Variants in RNF180 observed in about 807,000 individuals in gnomAD.
RNF180 encodes the protein E3 ubiquitin-protein ligase RNF180.
Under a neutral mutation model 59.2 loss-of-function variants are expected in RNF180, and 38 were observed. The ratio of observed to expected loss-of-function variants is 0.64; its 90% CI spans 0.50 to 0.84. The LOEUF is 0.84. Among genes scored for constraint, RNF180 ranks in the 40% least tolerant of loss-of-function variants. RNF180 has a pLI of 0.00. For synonymous variants in RNF180, 262 were observed against 240.3 expected (o/e 1.09, Z -0.84); for missense variants, 705 against 700.9 (o/e 1.01, Z -0.07).
Position 64,307,613 on chromosome 5 carries a change from T to C in RNF180, c.1228-17573T>C, listed in dbSNP as rs1235592319. ...TCCTGATAAACTCATAACTTAAAAATATCATAAGTCAAAAATGTATTTAAT... is the reference window on the plus strand; with the variant it reads ...TCCTGATAAACTCATAACTTAAAAACATCATAAGTCAAAAATGTATTTAAT... On this transcript the variant is annotated intron_variant, in intron 5 of 7. Coordinates refer to ENST00000389100, the MANE Select transcript of RNF180 (RefSeq NM_001113561.2). Among the ~76,000 whole-genome samples the C allele has an allele frequency of 9.2e-5, 14 of 151,668 alleles. No individual in the cohort carries two copies. In the Admixed American group the frequency reaches 9.2e-4, roughly 10 times the overall value.
chr5:64,349,643 T>G (rs1192764554), intron 7 of RNF180, among the ~76,000 whole-genome samples: 1 of 152,024 alleles, frequency 6.6e-6, no homozygotes, highest in South Asian at 2.1e-4. Context: ...TGTGTCCAAG[T>G]GTTCTCATTG....
intron 7 of RNF180, among the ~76,000 whole-genome samples, chr5:64,367,266 A>G (rs140744633): frequency 0.013 from 2,042 of 151,716 alleles, 33 homozygotes; most frequent in African/African-American, 0.033. Flanking sequence ...AACACATGAA[A>G]GTAAAACCCA....
At chr5:64,179,029 G>C (rs1037426839) in intron 1 of RNF180, among the ~76,000 whole-genome samples, 1 of 152,094 alleles carries the variant, frequency 6.6e-6, no homozygotes, top group African/African-American at 2.4e-5. Flanking sequence ...CCCAGGTGTT[G>C]TTGCTGCTCC....
intron 7 of RNF180, among the ~76,000 whole-genome samples, chr5:64,338,022 G>T (rs991323717): frequency 6.6e-6 from 1 of 152,148 alleles, no homozygotes; most frequent in Non-Finnish European, 1.5e-5. Flanking sequence ...TATATACCCA[G>T]TAATGGGATG....
chr5:64,298,330 G>C (rs2112446327), intron 5 of RNF180, among the ~76,000 whole-genome samples: 1 of 152,010 alleles, frequency 6.6e-6, no homozygotes, highest in South Asian at 2.1e-4. Context: ...CTATGTCCAG[G>C]TTGGCATTGC....
intron 1 of RNF180, among the ~76,000 whole-genome samples, chr5:64,181,300 C>T (rs1750570348): frequency 6.6e-6 from 1 of 152,218 alleles, no homozygotes; most frequent in African/African-American, 2.4e-5. Flanking sequence ...ATCCTACAAT[C>T]CAATCAAGTT....
At chr5:64,257,816 C>T (rs956835309) in intron 5 of RNF180, among the ~76,000 whole-genome samples, 1 of 152,132 alleles carries the variant, frequency 6.6e-6, no homozygotes, top group African/African-American at 2.4e-5. Context: ...CCACAGTCAA[C>T]ATTAGAGAGA....
intron 5 of RNF180, among the ~76,000 whole-genome samples, chr5:64,315,290 G>A (rs1041670244): frequency 7.2e-5 from 11 of 152,238 alleles, no homozygotes; most frequent in South Asian, 2.1e-4. Flanking sequence ...AGCAAATACC[G>A]TCAGTTGTTT....
chr5:64,321,203 G>C (rs548665708), intron 5 of RNF180, among the ~76,000 whole-genome samples: 1 of 152,164 alleles, frequency 6.6e-6, no homozygotes, highest in Non-Finnish European at 1.5e-5. Flanking sequence ...AGGGTGGGGG[G>C]TATGCAGATA....
intron 5 of RNF180, among the ~76,000 whole-genome samples, chr5:64,273,662 G>A (rs756611944): frequency 3.3e-5 from 5 of 151,946 alleles, no homozygotes; most frequent in Admixed American, 2.0e-4. Flanking sequence ...GTTGAAGAAC[G>A]TTTGAAGAAG....
intron 5 of RNF180, among the ~76,000 whole-genome samples, chr5:64,251,973 A>G (rs7736196): frequency 0.29 from 43,402 of 152,050 alleles, 6,436 homozygotes; most frequent in African/African-American, 0.35. Context: ...TCTCATACAC[A>G]TGGATTGGAT....
At chr5:64,270,262 A>G (rs1461059731) in intron 5 of RNF180, among the ~76,000 whole-genome samples, 1 of 152,160 alleles carries the variant, frequency 6.6e-6, no homozygotes, top group East Asian at 1.9e-4. Flanking sequence ...CTTCACTGTT[A>G]CCAGATTTTA....
intron 5 of RNF180, among the ~76,000 whole-genome samples, chr5:64,288,019 G>T (rs565572635): frequency 6.6e-6 from 1 of 152,240 alleles, no homozygotes; most frequent in African/African-American, 2.4e-5. Flanking sequence ...TTCTTCCAGA[G>T]TTTTTATAGT....
chr5:64,316,798 A>AT (rs1380999078), intron 5 of RNF180, among the ~76,000 whole-genome samples: 1 of 152,176 alleles, frequency 6.6e-6, no homozygotes, highest in Non-Finnish European at 1.5e-5. Flanking sequence ...TCTGTGGTAT[A>AT]TTTCTGTAAT....
chr5:64,265,885 T>G (rs566241964), intron 5 of RNF180, among the ~76,000 whole-genome samples: 60 of 152,302 alleles, frequency 3.9e-4, no homozygotes, highest in African/African-American at 1.4e-3. Context: ...GTTTGTGTCC[T>G]CTTATTTCCT....
chr5:64,224,365 A>G (rs1741542346), intron 5 of RNF180, among the ~76,000 whole-genome samples: 1 of 152,150 alleles, frequency 6.6e-6, no homozygotes. Context: ...TCCAACACCT[A>G]ATATAGGCCC....
chr5:64,302,985 C>G (rs552073009), intron 5 of RNF180, among the ~76,000 whole-genome samples: 1 of 151,670 alleles, frequency 6.6e-6, no homozygotes, highest in Non-Finnish European at 1.5e-5. Context: ...GCAAGTCCAT[C>G]GGCATCATTT....
intron 1 of RNF180, among the ~76,000 whole-genome samples, chr5:64,196,988 T>C (rs919478167): frequency 5.7e-4 from 87 of 152,184 alleles, no homozygotes; most frequent in African/African-American, 2.1e-3. Context: ...TTTTAATTTA[T>C]AATTTTGTCC....
At chr5:64,318,611 T>TTA (rs1744186897) in intron 5 of RNF180, among the ~76,000 whole-genome samples, 1 of 152,152 alleles carries the variant, frequency 6.6e-6, no homozygotes, top group Admixed American at 6.5e-5. Context: ...TATACATACT[T>TTA]TTTTAGACAA....
Sources: allele counts gnomAD v4.1 joint callset (sites outside exome capture counted in the v4.1 genomes callset), GRCh38; gene constraint gnomAD v4.1.1; transcripts MANE v1.5; gene names NCBI Gene and HGNC (gene_info 2026-07-23, HGNC 2026-07-21).